DCX: variants seen among roughly 807,000 people sequenced by gnomAD.
The protein encoded by DCX is neuronal migration protein doublecortin.
DCX carries 4 observed loss-of-function variants against 20.9 expected under a neutral mutation model. That is an observed-to-expected ratio of 0.19 (90% CI 0.09 to 0.44). DCX has a LOEUF of 0.44. DCX is among the 20% of genes least tolerant of loss of function. The pLI is 0.99. For missense variants in DCX, 133 were observed against 296.9 expected, an observed-to-expected ratio of 0.45 and a Z score of 4.06; for synonymous variants, 103 against 111.4, an observed-to-expected ratio of 0.92 and a Z score of 0.47.
intron 5 of DCX, among the ~76,000 whole-genome samples, chrX:111,327,901 G>A (rs1372873061): frequency 8.9e-6 from 1 of 112,547 alleles, no homozygotes; most frequent in Non-Finnish European, 1.9e-5. Context: ...AATGGGCTTG[G>A]TTATGTTACA....
At chrX:111,366,803 C>T (rs1924664069) in intron 3 of DCX, among the ~76,000 whole-genome samples, 1 of 111,894 alleles carries the variant, frequency 8.9e-6, no homozygotes, top group Admixed American at 9.5e-5. Flanking sequence ...AGTCTAAAAT[C>T]CATTTACCAC....
At chrX:111,400,961 C>A in intron 3 of DCX, 29 bp downstream of exon 3, 1 of 1,176,434 alleles carries the variant, frequency 8.5e-7, no homozygotes, top group Non-Finnish European at 1.2e-6. Flanking sequence ...TTAGAAAAAA[C>A]GGGAAAAGTA....
chrX:111,318,839 TCA>T (rs952530972), intron 5 of DCX, among the ~76,000 whole-genome samples: 2 of 111,027 alleles, frequency 1.8e-5, no homozygotes, highest in African/African-American at 6.6e-5. Flanking sequence ...AAGCTACCTA[TCA>T]GGTACTATGC....
chrX:111,318,256 A>G (rs1042512037), intron 5 of DCX, among the ~76,000 whole-genome samples: 1 of 106,382 alleles, frequency 9.4e-6, no homozygotes, highest in African/African-American at 3.4e-5. Context: ...ATGCTTATGC[A>G]CTGCTAGTGG....
intron 3 of DCX, among the ~76,000 whole-genome samples, chrX:111,383,823 G>T (rs1926166527): frequency 9.0e-6 from 1 of 111,243 alleles, no homozygotes; most frequent in African/African-American, 3.3e-5. Flanking sequence ...GATGTAATTA[G>T]TCTGGAGTCA....
At chrX:111,393,405 A>T (rs1188559304) in intron 3 of DCX, among the ~76,000 whole-genome samples, 1 of 111,859 alleles carries the variant, frequency 8.9e-6, no homozygotes, top group Non-Finnish European at 1.9e-5. Flanking sequence ...AAAATTTTTG[A>T]GATGTTGGGT....
intron 3 of DCX, among the ~76,000 whole-genome samples, chrX:111,336,270 C>T (rs1389530885): frequency 8.9e-6 from 1 of 112,325 alleles, no homozygotes; most frequent in Middle Eastern, 4.6e-3. Context: ...CCTCTCTACC[C>T]ACACCCAGGC....
At chrX:111,359,276 A>T (rs944455599) in intron 3 of DCX, among the ~76,000 whole-genome samples, 44 of 112,049 alleles carry the variant, frequency 3.9e-4, no homozygotes, top group African/African-American at 1.2e-3. Flanking sequence ...GTACACATGG[A>T]AGTTTATTGT....
chrX:111,360,668 A>C (rs1924135424), intron 3 of DCX, among the ~76,000 whole-genome samples: 1 of 111,562 alleles, frequency 9.0e-6, no homozygotes, highest in Non-Finnish European at 1.9e-5. Flanking sequence ...TGTGATTTTT[A>C]CACATTGCAT....
chrX:111,400,881 T>C (rs1927717480), intron 3 of DCX, 109 bp downstream of exon 3: 3 of 704,619 alleles, frequency 4.3e-6, no homozygotes, highest in Non-Finnish European at 6.6e-6. Flanking sequence ...CAGGTTGTGA[T>C]GATGAGATGT....
Position 111,348,406 on chromosome X carries a change from A to G in DCX, c.706-15253T>C, listed in dbSNP as rs187023155. ...ATACCAGCCTGATTGGAAGGCTGGC[A>G]GCCCCTCGATGCTCAAGGGTGTTCT... is the stretch of plus-strand genomic sequence containing the variant. On this transcript the variant is annotated intron_variant, in intron 3 of 6. Transcript: ENST00000636035. Among the ~76,000 whole-genome samples the G allele has an allele frequency of 9.3e-3, 1,042 of 111,982 alleles. 12 individuals carry two copies. The highest frequency in any genetic ancestry group is 0.032 in the African/African-American group (990 of 30,799).
At chrX:111,363,803 C>G (rs1478700447) in intron 3 of DCX, among the ~76,000 whole-genome samples, 1 of 111,487 alleles carries the variant, frequency 9.0e-6, no homozygotes, top group Admixed American at 9.5e-5. Flanking sequence ...TCACAATCAC[C>G]CAACCTCATC....
chrX:111,366,117 C>A (rs1255111281), intron 3 of DCX, among the ~76,000 whole-genome samples: 5 of 112,129 alleles, frequency 4.5e-5, no homozygotes, highest in Admixed American at 9.5e-5. Context: ...TATAACCTTG[C>A]CCAGGCCTTC....
At chrX:111,371,756 T>C (rs184853779) in intron 3 of DCX, among the ~76,000 whole-genome samples, 58 of 110,961 alleles carry the variant, frequency 5.2e-4, no homozygotes, top group Admixed American at 4.0e-3. Context: ...TAGCTAATTA[T>C]TGGAAGAGCC....
Position 111,405,437 on chromosome X carries a change from C to T in DCX, c.365-4107G>A, listed in dbSNP as rs142504754. ...AGAAGGTGGATTCATCTCAATGAAACATATGAGCTATGGTAAAAGAACTGG... is the reference window on the plus strand; with the variant it reads ...AGAAGGTGGATTCATCTCAATGAAATATATGAGCTATGGTAAAAGAACTGG... On this transcript the variant is annotated intron_variant, in intron 2 of 6. Coordinates refer to ENST00000636035, the MANE Select transcript of DCX (RefSeq NM_001195553.2). Among the ~76,000 whole-genome samples, 26 of 111,855 alleles carry T rather than the reference C, an allele frequency of 2.3e-4. No homozygotes were observed. The East Asian group carries it at 7.0e-3, about 30-fold the overall frequency.
chrX:111,398,467 GAA>G (rs1927514549), intron 3 of DCX, among the ~76,000 whole-genome samples: 1 of 111,521 alleles, frequency 9.0e-6, no homozygotes, highest in African/African-American at 3.3e-5. Flanking sequence ...GTGGGCAGAG[GAA>G]GACATTTTAA....
intron 3 of DCX, among the ~76,000 whole-genome samples, chrX:111,351,103 G>A (rs1014863757): frequency 1.1e-4 from 12 of 112,188 alleles, no homozygotes; most frequent in African/African-American, 3.6e-4. Context: ...GGATTTGGGT[G>A]AGGACACAGC....
chrX:111,406,948 C>T (rs924287579), intron 2 of DCX, among the ~76,000 whole-genome samples: 5 of 111,530 alleles, frequency 4.5e-5, no homozygotes, highest in African/African-American at 1.3e-4. Context: ...CAAATTATAC[C>T]TTAATACAGT....
rs2095024995 is a variant in DCX at position 111,297,821 on chromosome X, G to T, written c.*3866C>A. On this transcript the variant is annotated 3_prime_UTR_variant, in exon 7 of 7. Coordinates refer to ENST00000636035, the MANE Select transcript of DCX (RefSeq NM_001195553.2). ...GAAGAGTGTATAGAGCACACAGCTTGCTATTTTGGTGCAAACACAGGAGCC... is the reference window on the plus strand; with the variant it reads ...GAAGAGTGTATAGAGCACACAGCTTTCTATTTTGGTGCAAACACAGGAGCC... 1 of 111,744 alleles carries T rather than the reference G, an allele frequency of 8.9e-6. No individual in the cohort carries two copies. The highest frequency in any genetic ancestry group is 3.3e-5 in the African/African-American group (1 of 30,646). 9.2% of individuals were successfully genotyped at this position (111,744 alleles called of 1,213,427 possible). A position where few individuals can be genotyped will look rare whatever the true frequency, so the allele number is the denominator to read the frequency against.
Sources: gnomAD v4.1 joint callset for allele counts (sites outside exome capture counted in the v4.1 genomes callset) on GRCh38, gnomAD v4.1.1 for gene constraint, MANE v1.5 for transcripts, NCBI Gene and HGNC (gene_info 2026-07-23, HGNC 2026-07-21) for gene names.